RPS6KA5: variants seen among roughly 807,000 people sequenced by gnomAD.
The protein encoded by RPS6KA5 is ribosomal protein S6 kinase A5.
In RPS6KA5, 27 loss-of-function variants were observed where a neutral mutation model predicts 85.5. That is an observed-to-expected ratio of 0.32 (90% confidence interval 0.23 to 0.44). The LOEUF (loss-of-function observed/expected upper bound fraction) is 0.44, where lower values mean the gene tolerates loss of function less well. Ranked by LOEUF, RPS6KA5 falls within the 20% of genes least tolerant of loss-of-function variation. The pLI is 1.00. For synonymous variants in RPS6KA5, 334 were observed against 348.2 expected (o/e 0.96, Z 0.46); for missense variants, 811 against 980.9 (o/e 0.83, Z 2.31).
At chr14:90,974,337 A>C (rs1381361564) in intron 3 of RPS6KA5, among the ~76,000 whole-genome samples, 3 of 152,226 alleles carry the variant, frequency 2.0e-5, no homozygotes, top group African/African-American at 7.2e-5. Flanking sequence ...GTTAAAAGAT[A>C]CTATAAGGAC....
chr14:90,901,677 C>T (rs1353777236), intron 9 of RPS6KA5, among the ~76,000 whole-genome samples: 1 of 152,158 alleles, frequency 6.6e-6, no homozygotes, highest in Non-Finnish European at 1.5e-5. Flanking sequence ...GAAGAAAAGA[C>T]ACCGTCTGGA....
chr14:91,044,392 G>GGAAAGAAA lies in RPS6KA5; in HGVS notation c.103+15932_103+15939dup, dbSNP rs71461930. On this transcript the variant is annotated intron_variant, in intron 1 of 16. Transcript: ENST00000614987. ...AAGAAAGAAGGAAAGAAAGAAAGAAGGAAAGAAAGAAAGAAAGAAAGAAAG... is the reference window on the plus strand; with the variant it reads ...AAGAAAGAAGGAAAGAAAGAAAGAAGGAAAGAAAGAAAGAAAGAAAGAAAGAAAGAAAG... 6.3e-3 allele frequency among the ~76,000 whole-genome samples: 345 copies of GGAAAGAAA among 55,144 alleles called. 2 individuals carry two copies. Among genetic ancestry groups the GGAAAGAAA allele is most frequent in the Admixed American group, 0.011 (60 of 5,700 alleles). 36.2% of individuals were successfully genotyped at this position (55,144 alleles called of 152,430 possible).
chr14:91,021,234 T>A (rs1472035854), intron 1 of RPS6KA5, among the ~76,000 whole-genome samples: 1 of 152,186 alleles, frequency 6.6e-6, no homozygotes, highest in African/African-American at 2.4e-5. Flanking sequence ...TTCCACTTCT[T>A]CCAAGTTTAT....
At chr14:90,894,670 C>A in intron 12 of RPS6KA5, 87 bp from the exon 13 acceptor site, 1 of 1,411,614 alleles carries the variant, frequency 7.1e-7, no homozygotes, top group Non-Finnish European at 9.5e-7. Context: ...TATCTACCAC[C>A]AATACGTTTA....
At chr14:90,979,717 G>A (rs770054920) in intron 2 of RPS6KA5, among the ~76,000 whole-genome samples, 2 of 152,244 alleles carry the variant, frequency 1.3e-5, no homozygotes, top group Non-Finnish European at 2.9e-5. Context: ...AGGACTTGCC[G>A]ATGCCCGGCT....
At chr14:90,888,148 T>A (rs1417183604) in intron 14 of RPS6KA5, among the ~76,000 whole-genome samples, 1 of 152,132 alleles carries the variant, frequency 6.6e-6, no homozygotes, top group Non-Finnish European at 1.5e-5. Context: ...GATTATCCTG[T>A]GATATCATTT....
chr14:90,913,068 G>A (rs1288335311), intron 7 of RPS6KA5, among the ~76,000 whole-genome samples: 2 of 151,664 alleles, frequency 1.3e-5, no homozygotes, highest in Non-Finnish European at 2.9e-5. Context: ...TCGCCACCAC[G>A]CCCAGCTAAT....
rs1566662643 is a variant in RPS6KA5, at chr14:90,863,326, A to AAAAAAG, written c.*8747_*8748insCTTTTT. On this transcript the variant is annotated 3_prime_UTR_variant, in exon 17 of 17. Transcript: ENST00000614987. ...TCAAAAAAAAAAAAAAAAAAAAAAA[A>AAAAAAG]AAAAGAAAAGAAAAGAAAAAAATAT... 22 of 141,558 alleles carry AAAAAAG rather than the reference A, an allele frequency of 1.6e-4. No individual in the cohort carries two copies. Among genetic ancestry groups the AAAAAAG allele is most frequent in the African/African-American group, 4.5e-4 (16 of 35,568 alleles). 8.8% of individuals were successfully genotyped at this position (141,558 alleles called of 1,614,324 possible). A position where few individuals can be genotyped will look rare whatever the true frequency, so the allele number is the denominator to read the frequency against.
chr14:90,924,704 A>T (rs1244677443), intron 5 of RPS6KA5, among the ~76,000 whole-genome samples: 2 of 152,222 alleles, frequency 1.3e-5, no homozygotes, highest in African/African-American at 2.4e-5. Flanking sequence ...ACATACTAGC[A>T]GATAATATGG....
At chr14:90,956,964 G>GTTTTTTTTTTTTTTTTTTTTTTTTTTTTT (rs61106740) in intron 3 of RPS6KA5, among the ~76,000 whole-genome samples, 1 of 123,358 alleles carries the variant, frequency 8.1e-6, no homozygotes. Flanking sequence ...CTGTTTTTCT[G>GTTTTTTTTTTTTTTTTTTTTTTTTTTTTT]TTTTTTTTTT....
intron 12 of RPS6KA5, among the ~76,000 whole-genome samples, chr14:90,898,113 T>C (rs1199387833): frequency 6.6e-6 from 1 of 152,190 alleles, no homozygotes. Context: ...CCTAAGGCAG[T>C]AGTTTAAAGT....
intron 3 of RPS6KA5, among the ~76,000 whole-genome samples, chr14:90,973,202 A>C (rs2039402253): frequency 6.6e-6 from 1 of 152,330 alleles, no homozygotes; most frequent in East Asian, 1.9e-4. Context: ...GCACTTTTGG[A>C]GGCCGAGGTG....
chr14:90,951,557 G>T (rs1222916800), intron 3 of RPS6KA5, among the ~76,000 whole-genome samples: 1 of 152,098 alleles, frequency 6.6e-6, no homozygotes, highest in Non-Finnish European at 1.5e-5. Context: ...ACTTTAATTT[G>T]GGAAGACTGT....
chr14:90,884,507 G>A (rs565704019), intron 14 of RPS6KA5, among the ~76,000 whole-genome samples: 6 of 152,218 alleles, frequency 3.9e-5, no homozygotes, highest in Non-Finnish European at 5.9e-5. Context: ...AGGGATACTC[G>A]ACCTATACTG....
At chr14:91,005,289 T>A (rs2140609389) in intron 1 of RPS6KA5, among the ~76,000 whole-genome samples, 1 of 152,306 alleles carries the variant, frequency 6.6e-6, no homozygotes, top group Admixed American at 6.5e-5. Context: ...TTACTTTACT[T>A]CAACTACTGC....
chr14:90,988,061 C>T (rs142048888), intron 2 of RPS6KA5, among the ~76,000 whole-genome samples: 228 of 152,236 alleles, frequency 1.5e-3, no homozygotes, highest in African/African-American at 4.8e-3. Flanking sequence ...AATCCCAAGA[C>T]CAACGGGAAT....
intron 12 of RPS6KA5, among the ~76,000 whole-genome samples, chr14:90,897,939 G>A (rs1163352058): frequency 6.6e-6 from 1 of 152,162 alleles, no homozygotes; most frequent in African/African-American, 2.4e-5. Flanking sequence ...ACCTCCTCTT[G>A]TGTCGAGTGG....
intron 1 of RPS6KA5, among the ~76,000 whole-genome samples, chr14:91,005,935 A>C (rs2040999380): frequency 2.1e-5 from 1 of 47,164 alleles, no homozygotes; most frequent in South Asian, 1.1e-3. Flanking sequence ...GATGATGTGG[A>C]GCTACCTGCA....
chr14:91,060,092 C>G (rs1275147805), intron 1 of RPS6KA5: 2 of 985,390 alleles, frequency 2.0e-6, no homozygotes, highest in African/African-American at 1.7e-5. Flanking sequence ...GCGCTGGCCC[C>G]GATGCCTGGT....
Sources: gnomAD v4.1 joint callset for allele counts (sites outside exome capture counted in the v4.1 genomes callset) on GRCh38, gnomAD v4.1.1 for gene constraint, MANE v1.5 for transcripts, NCBI Gene and HGNC (gene_info 2026-07-23, HGNC 2026-07-21) for gene names.